The following EML6 variants were observed in gnomAD, a reference collection of about 807,000 sequenced individuals.
EML6 encodes echinoderm microtubule-associated protein-like 6.
Under a neutral mutation model 240.1 loss-of-function variants are expected in EML6, and 154 were observed. That is an observed-to-expected ratio of 0.64 (90% CI 0.56 to 0.73). The LOEUF is 0.73. Ranked by LOEUF, EML6 falls within the 30% of genes least tolerant of loss-of-function variation. EML6 has a pLI of 0.00. For missense variants in EML6, 2,964 were observed against 2,474.6 expected (o/e 1.20, Z -4.20); for synonymous variants, 1,148 against 899.0 (o/e 1.28, Z -4.95).
chr2:54,846,178 C>A (rs372176465), intron 8 of EML6, among the ~76,000 whole-genome samples: 3 of 152,092 alleles, frequency 2.0e-5, no homozygotes, highest in African/African-American at 7.2e-5. Context: ...CAAAAGTGGA[C>A]CCATCACTTG....
intron 17 of EML6, chr2:54,882,871 A>AAAAAAAAAG (rs962733331): frequency 7.8e-6 from 1 of 128,832 alleles, no homozygotes; most frequent in African/African-American, 2.9e-5. Flanking sequence ...AAAAAAAAAA[A>AAAAAAAAAG]AAAGAAAGCT....
At chr2:54,908,530 G>A (rs1408401358) in intron 24 of EML6, among the ~76,000 whole-genome samples, 1 of 152,162 alleles carries the variant, frequency 6.6e-6, no homozygotes, top group East Asian at 1.9e-4. Context: ...CACCTGCCAA[G>A]GAACTGAGTT....
intron 7 of EML6, among the ~76,000 whole-genome samples, chr2:54,831,525 T>C (rs1401150402): frequency 6.6e-6 from 1 of 151,988 alleles, no homozygotes; most frequent in African/African-American, 2.4e-5. Context: ...CCGTTATACA[T>C]CAGTCTCAGA....
At chr2:54,745,017 G>A (rs1460021807) in intron 2 of EML6, among the ~76,000 whole-genome samples, 1 of 151,782 alleles carries the variant, frequency 6.6e-6, no homozygotes, top group Admixed American at 6.6e-5. Flanking sequence ...GCATTGTGGG[G>A]TGCGGAGAAG....
chr2:54,806,596 AGAGTGACTCCGTCTCC>A lies in EML6; in HGVS notation c.198-6635_198-6620del, dbSNP rs1458872992. On this transcript the variant is annotated intron_variant, in intron 2 of 41. Coordinates refer to ENST00000356458, the MANE Select transcript of EML6 (RefSeq NM_001039753.4). The stretch of plus-strand genomic sequence containing the variant: ...CCCTTGCACTCCAGCCTGGGCAACA[AGAGTGACTCCGTCTCC>A]AAAAAAAAAAAAAAAAAAAAAAAAA... 5.7e-5 allele frequency among the ~76,000 whole-genome samples: 7 copies of A among 122,296 alleles called. No individual in the cohort carries two copies. In the East Asian group the frequency reaches 1.6e-3, roughly 28 times the overall value. The allele number at this position is 122,296 out of a possible 152,430, so 80.2% of individuals were successfully genotyped here.
intron 4 of EML6, among the ~76,000 whole-genome samples, chr2:54,819,505 C>A (rs569328441): frequency 2.0e-5 from 3 of 152,122 alleles, no homozygotes; most frequent in African/African-American, 7.2e-5. Context: ...AGGCCGGGCA[C>A]GGTGGCTCAT....
chr2:54,802,380 C>A (rs530695734), intron 2 of EML6, among the ~76,000 whole-genome samples: 1 of 152,148 alleles, frequency 6.6e-6, no homozygotes, highest in Non-Finnish European at 1.5e-5. Context: ...AAGCCCAGCA[C>A]TTTGGGAGGC....
intron 12 of EML6, among the ~76,000 whole-genome samples, chr2:54,861,325 G>T (rs556823402): frequency 6.6e-6 from 1 of 152,114 alleles, no homozygotes; most frequent in Non-Finnish European, 1.5e-5. Flanking sequence ...ATGGGGCTTC[G>T]CATTCCTGAG....
chr2:54,931,979 G>A (rs190672147), intron 28 of EML6, among the ~76,000 whole-genome samples: 3 of 152,190 alleles, frequency 2.0e-5, no homozygotes, highest in Non-Finnish European at 2.9e-5. Context: ...GATATTTGTG[G>A]ATTGTTTCTA....
intron 2 of EML6, among the ~76,000 whole-genome samples, chr2:54,764,138 A>C (rs1208433354): frequency 6.6e-6 from 1 of 152,246 alleles, no homozygotes; most frequent in Non-Finnish European, 1.5e-5. Context: ...ACCTCCAAGC[A>C]GTCCAGTTAT....
intron 24 of EML6, among the ~76,000 whole-genome samples, chr2:54,908,638 T>C (rs1673473043): frequency 6.6e-6 from 1 of 152,222 alleles, no homozygotes; most frequent in African/African-American, 2.4e-5. Flanking sequence ...ACTGCTCTTC[T>C]GGGTCTTATC....
At chr2:54,791,938 T>G (rs1669478323) in intron 2 of EML6, among the ~76,000 whole-genome samples, 1 of 152,216 alleles carries the variant, frequency 6.6e-6, no homozygotes, top group Non-Finnish European at 1.5e-5. Flanking sequence ...GTAACATGTC[T>G]TGTTTGACTC....
chr2:54,786,076 G>T (rs1405388841), intron 2 of EML6, among the ~76,000 whole-genome samples: 1 of 152,062 alleles, frequency 6.6e-6, no homozygotes, highest in Non-Finnish European at 1.5e-5. Flanking sequence ...GGGTAAAGGA[G>T]CTAGCTGAGA....
chr2:54,936,291 T>G (rs1439195025), intron 28 of EML6, among the ~76,000 whole-genome samples: 1 of 152,244 alleles, frequency 6.6e-6, no homozygotes, highest in African/African-American at 2.4e-5. Flanking sequence ...TTATGATCTT[T>G]TACTGAAATT....
At chr2:54,933,199 A>G (rs1029679601) in intron 28 of EML6, among the ~76,000 whole-genome samples, 3 of 152,110 alleles carry the variant, frequency 2.0e-5, no homozygotes, top group Non-Finnish European at 4.4e-5. Flanking sequence ...TTGAGGTGCT[A>G]TTGGCTCTGG....
intron 2 of EML6, among the ~76,000 whole-genome samples, chr2:54,735,311 C>T (rs1007691332): frequency 1.1e-4 from 17 of 152,204 alleles, no homozygotes; most frequent in Admixed American, 1.1e-3. Context: ...CTGTGCCTAG[C>T]ACCTTGTCAT....
chr2:54,783,644 G>A (rs1380404786), intron 2 of EML6, among the ~76,000 whole-genome samples: 1 of 152,132 alleles, frequency 6.6e-6, no homozygotes, highest in Non-Finnish European at 1.5e-5. Context: ...AGTTTGAAAC[G>A]ACTGTGATGA....
At chr2:54,910,787 C>T (rs1213287084) in intron 24 of EML6, among the ~76,000 whole-genome samples, 167 bp from the exon 25 acceptor site, 1 of 152,234 alleles carries the variant, frequency 6.6e-6, no homozygotes, top group African/African-American at 2.4e-5. Flanking sequence ...GTTTGTACCA[C>T]ATCATGTAAT....
intron 24 of EML6, among the ~76,000 whole-genome samples, chr2:54,905,641 G>A (rs1192731340): frequency 6.6e-6 from 1 of 152,072 alleles, no homozygotes; most frequent in African/African-American, 2.4e-5. Context: ...CCCCATCTCA[G>A]AATTCTTTTC....
Sources: allele counts gnomAD v4.1 joint callset (sites outside exome capture counted in the v4.1 genomes callset), GRCh38; gene constraint gnomAD v4.1.1; transcripts MANE v1.5; gene names NCBI Gene and HGNC (gene_info 2026-07-23, HGNC 2026-07-21).